ANK2: variants seen among roughly 807,000 people sequenced by gnomAD.
ANK2 encodes ankyrin 2, also known as ankyrin-2.
Under a neutral mutation model 360.5 loss-of-function variants are expected in ANK2, and 83 were observed. The ratio of observed to expected loss-of-function variants is 0.23; its 90% CI spans 0.19 to 0.28. The LOEUF is 0.28. ANK2 is among the 10% of genes least tolerant of loss of function. ANK2 has a pLI of 1.00. For missense variants in ANK2, 4,201 were observed against 4,795.7 expected (o/e 0.88, Z 3.66); for synonymous variants, 1,740 against 1,759.5 (o/e 0.99, Z 0.28).
At chr4:113,104,721 AAAC>A (rs61326560) in intron 1 of ANK2, among the ~76,000 whole-genome samples, 67,941 of 151,326 alleles carry the variant, frequency 0.45, 15,692 homozygotes, top group East Asian at 0.55. Flanking sequence ...TCTCAAAGCT[AAAC>A]AACAACAACA....
At chr4:113,347,847 G>T (rs558579204) in intron 35 of ANK2, 25 of 178,858 alleles carry the variant, frequency 1.4e-4, no homozygotes, top group Non-Finnish European at 2.5e-4. Context: ...CTCTTTGTTA[G>T]AATAATGCTT....
chr4:112,979,247 C>G (rs2042360706), intron 2 of ANK2, among the ~76,000 whole-genome samples: 2 of 152,186 alleles, frequency 1.3e-5, no homozygotes, highest in African/African-American at 4.8e-5. Flanking sequence ...GTCAGGTGTG[C>G]CGGCTGCAGC....
chr4:112,717,091 TATAC>T, the ANK2 span, among the ~76,000 whole-genome samples: 2 of 152,240 alleles, frequency 1.3e-5, no homozygotes, highest in Non-Finnish European at 2.9e-5. Flanking sequence ...ACTAGACTAA[TATAC>T]AAGTTATTTA....
rs1026636313 is a variant in ANK2 at position 113,274,727 on chromosome 4, A to T, written c.1683+78A>T. On this transcript the variant is annotated intron_variant, in intron 15 of 45. Coordinates refer to ENST00000357077, the MANE Select transcript of ANK2 (RefSeq NM_001148.6). ...GCCTTTCTGCTCTACCACATACAGA[A>T]TCAAGAGGGTAGATCTCCTCAGGCC... The T allele has an allele frequency of 2.7e-6, 4 of 1,473,318 alleles. No individual in the cohort carries two copies. The African/African-American group carries it at 4.2e-5, about 15-fold the overall frequency. The allele number at this position is 1,473,318 out of a possible 1,614,324, so 91.3% of individuals were successfully genotyped here. A position where few individuals can be genotyped will look rare whatever the true frequency, so the allele number is the denominator to read the frequency against.
At chr4:112,917,258 G>T (rs1189779550) in intron 2 of ANK2, among the ~76,000 whole-genome samples, 1 of 152,206 alleles carries the variant, frequency 6.6e-6, no homozygotes, top group East Asian at 1.9e-4. Flanking sequence ...AACTCTCGTG[G>T]ATCTAAAATG....
At chr4:113,154,416 T>A (rs2097203810) in intron 1 of ANK2, among the ~76,000 whole-genome samples, 1 of 152,238 alleles carries the variant, frequency 6.6e-6, no homozygotes, top group South Asian at 2.1e-4. Flanking sequence ...AGCAGTCAGC[T>A]TGAACAGCAA....
chr4:113,187,738 A>G (rs972749459), intron 2 of ANK2, among the ~76,000 whole-genome samples: 1 of 152,360 alleles, frequency 6.6e-6, no homozygotes, highest in Non-Finnish European at 1.5e-5. Context: ...CTTCAGTGTC[A>G]TATAACGACA....
intron 1 of ANK2, among the ~76,000 whole-genome samples, chr4:113,144,148 C>T (rs1233385562): frequency 6.6e-6 from 1 of 152,136 alleles, no homozygotes; most frequent in East Asian, 1.9e-4. Context: ...GATGCCTTCA[C>T]CTATAGCTGG....
chr4:113,092,289 C>A (rs1361188713), intron 1 of ANK2, among the ~76,000 whole-genome samples: 2 of 152,152 alleles, frequency 1.3e-5, no homozygotes, highest in African/African-American at 4.8e-5. Flanking sequence ...AAATATAGTT[C>A]AGGCTTGCCT....
At chr4:112,986,042 T>G (rs1452026454) in intron 2 of ANK2, among the ~76,000 whole-genome samples, 1 of 144,922 alleles carries the variant, frequency 6.9e-6, no homozygotes, top group African/African-American at 2.6e-5. Flanking sequence ...AAATATAAAA[T>G]ATATAAAATT....
intron 1 of ANK2, among the ~76,000 whole-genome samples, chr4:113,086,858 A>C (rs914710300): frequency 1.3e-5 from 2 of 152,158 alleles, no homozygotes; most frequent in African/African-American, 2.4e-5. Context: ...CTCGCTTGGC[A>C]TGCTGGAGGA....
At chr4:113,283,780 A>G (rs1383065370) in intron 18 of ANK2, among the ~76,000 whole-genome samples, 1 of 152,208 alleles carries the variant, frequency 6.6e-6, no homozygotes, top group African/African-American at 2.4e-5. Context: ...TTTGTAATAC[A>G]TTATATGAGC....
chr4:112,934,798 T>G (rs1175475267), intron 2 of ANK2, among the ~76,000 whole-genome samples: 1 of 152,200 alleles, frequency 6.6e-6, no homozygotes, highest in Admixed American at 6.5e-5. Context: ...TATGTATATG[T>G]GATGTATATA....
chr4:113,151,139 A>G, intron 1 of ANK2: 1 of 1,288,292 alleles, frequency 7.8e-7, no homozygotes, highest in Non-Finnish European at 1.0e-6. Flanking sequence ...TGGAAGCAAA[A>G]AAACACTTCT....
chr4:112,765,530 A>C, the ANK2 span, among the ~76,000 whole-genome samples: 1 of 152,082 alleles, frequency 6.6e-6, no homozygotes, highest in Admixed American at 6.6e-5. Flanking sequence ...GTTTGTCCTT[A>C]ATCATGTGAT....
At chr4:112,757,885 A>AT in the ANK2 span, among the ~76,000 whole-genome samples, 88,240 of 147,138 alleles carry the variant, frequency 0.6, 26,649 homozygotes, top group East Asian at 0.93. Context: ...CTAAAGATGG[A>AT]TTTTTTTTTT....
At chr4:113,268,362 A>G (rs2057083231) in intron 14 of ANK2, among the ~76,000 whole-genome samples, 1 of 152,180 alleles carries the variant, frequency 6.6e-6, no homozygotes, top group Non-Finnish European at 1.5e-5. Context: ...GCTTTTGCCC[A>G]TTCAGTATGA....
At chr4:113,112,240 G>A (rs748746562) in intron 1 of ANK2, among the ~76,000 whole-genome samples, 2 of 152,144 alleles carry the variant, frequency 1.3e-5, no homozygotes, top group Non-Finnish European at 2.9e-5. Flanking sequence ...CTGTCAAAGA[G>A]AGCACACAAA....
At chr4:113,037,137 T>TG (rs1254566036) in intron 2 of ANK2, among the ~76,000 whole-genome samples, 3 of 152,012 alleles carry the variant, frequency 2.0e-5, no homozygotes, top group Non-Finnish European at 4.4e-5. Context: ...AACTAACTTG[T>TG]TAACTTGCAA....
Sources: gnomAD v4.1 joint callset for allele counts (sites outside exome capture counted in the v4.1 genomes callset) on GRCh38, gnomAD v4.1.1 for gene constraint, MANE v1.5 for transcripts, NCBI Gene and HGNC (gene_info 2026-07-23, HGNC 2026-07-21) for gene names.